ADGRL3: variants seen among roughly 807,000 people sequenced by gnomAD.
ADGRL3 encodes the protein adhesion G protein-coupled receptor L3, also known as calcium-independent alpha-latrotoxin receptor 3.
Under a neutral mutation model 153.5 loss-of-function variants are expected in ADGRL3, and 62 were observed. The ratio of observed to expected loss-of-function variants is 0.40; its 90% CI spans 0.33 to 0.50. ADGRL3 has a LOEUF of 0.50. ADGRL3 is among the 20% of genes least tolerant of loss of function. The pLI is 0.47. For missense variants in ADGRL3, 1,641 were observed against 1,859.4 expected (o/e 0.88, Z 2.16); for synonymous variants, 710 against 672.5 (o/e 1.06, Z -0.86).
intron 1 of ADGRL3, among the ~76,000 whole-genome samples, chr4:61,241,497 T>G (rs1477208125): frequency 6.6e-6 from 1 of 152,044 alleles, no homozygotes; most frequent in Non-Finnish European, 1.5e-5. Flanking sequence ...TTGGAAATAT[T>G]TTTAAAGATT....
intron 4 of ADGRL3, among the ~76,000 whole-genome samples, chr4:61,527,832 T>C (rs1350992131): frequency 6.6e-6 from 1 of 152,184 alleles, no homozygotes; most frequent in African/African-American, 2.4e-5. Context: ...GCTTTAAAAC[T>C]AAGCATAACT....
rs778455487 is a variant in ADGRL3 at position 61,733,234 on chromosome 4, C to T, written c.1079C>T (p.Pro360Leu). 3 of 1,613,552 alleles carry T rather than the reference C, an allele frequency of 1.9e-6. No homozygotes were observed. The highest frequency in any genetic ancestry group is 2.5e-6 in the Non-Finnish European group (3 of 1,179,790). Residue 360 changes from proline to leucine, a missense_variant, in exon 8 of 27, where the codon CCT becomes CTT. By Grantham distance (98) the Pro-to-Leu change is moderately conservative. Transcript: ENST00000683033. ...NGKIVISQLN[P>L]YTLRIEGTWD... is the part of the protein sequence containing the mutation. ...AAAATTGTCATTAGTCAATTGAACCCTTACACCCTACGGATCGAAGGAACA... is the reference window on the plus strand; with the variant it reads ...AAAATTGTCATTAGTCAATTGAACCTTTACACCCTACGGATCGAAGGAACA...
At chr4:61,353,249 G>T (rs1381642691) in intron 1 of ADGRL3, among the ~76,000 whole-genome samples, 1 of 151,720 alleles carries the variant, frequency 6.6e-6, no homozygotes, top group Admixed American at 6.6e-5. Context: ...ATGTATACTC[G>T]CATATATATG....
At chr4:61,493,342 T>C (rs2098277229) in intron 2 of ADGRL3, among the ~76,000 whole-genome samples, 1 of 152,168 alleles carries the variant, frequency 6.6e-6, no homozygotes. Flanking sequence ...CAAATCCCTA[T>C]GCCTAAATCA....
intron 9 of ADGRL3, among the ~76,000 whole-genome samples, chr4:61,850,861 C>T (rs913084168): frequency 5.3e-5 from 8 of 152,060 alleles, no homozygotes; most frequent in African/African-American, 1.9e-4. Context: ...GAAAAAATAA[C>T]TTTAAGTAGA....
intron 2 of ADGRL3, among the ~76,000 whole-genome samples, chr4:61,419,245 A>G (rs1481882756): frequency 6.6e-6 from 1 of 150,918 alleles, no homozygotes; most frequent in African/African-American, 2.5e-5. Context: ...TTCCTAAGGT[A>G]TATTTCTGAT....
chr4:61,222,099 A>G (rs766695183), intron 1 of ADGRL3, among the ~76,000 whole-genome samples: 2 of 151,968 alleles, frequency 1.3e-5, no homozygotes, highest in Non-Finnish European at 2.9e-5. Context: ...TCTACTTTTC[A>G]TTTAGATTAT....
At chr4:61,577,344 T>A (rs760179051) in intron 4 of ADGRL3, among the ~76,000 whole-genome samples, 2 of 152,038 alleles carry the variant, frequency 1.3e-5, no homozygotes, top group African/African-American at 2.4e-5. Flanking sequence ...ATTAAAATTT[T>A]GTATAGTTTT....
At chr4:62,047,950 C>T (rs544849487) in intron 25 of ADGRL3, among the ~76,000 whole-genome samples, 23 of 152,246 alleles carry the variant, frequency 1.5e-4, no homozygotes, top group African/African-American at 5.1e-4. Context: ...AGAGTTTCAA[C>T]AAAGATGAAC....
intron 8 of ADGRL3, among the ~76,000 whole-genome samples, chr4:61,767,554 G>A (rs1033027618): frequency 4.6e-5 from 7 of 152,156 alleles, no homozygotes; most frequent in African/African-American, 1.7e-4. Flanking sequence ...ATCGGGCAGT[G>A]TCAGTCTTCA....
intron 1 of ADGRL3, among the ~76,000 whole-genome samples, chr4:61,309,520 T>A (rs1374596951): frequency 6.6e-6 from 1 of 152,224 alleles, no homozygotes; most frequent in East Asian, 1.9e-4. Context: ...AAAATCTATT[T>A]CTTATGTATA....
intron 13 of ADGRL3, among the ~76,000 whole-genome samples, chr4:61,930,154 C>A (rs957359281): frequency 3.5e-5 from 5 of 143,372 alleles, no homozygotes; most frequent in African/African-American, 1.3e-4. Flanking sequence ...CCAGGCTGGG[C>A]GACAGAGCAA....
At chr4:61,744,395 C>T (rs981031876) in intron 8 of ADGRL3, among the ~76,000 whole-genome samples, 12 of 152,290 alleles carry the variant, frequency 7.9e-5, no homozygotes, top group East Asian at 5.8e-4. Flanking sequence ...GATCTGAGAA[C>T]GGGCAGACTG....
intron 6 of ADGRL3, among the ~76,000 whole-genome samples, chr4:61,682,387 G>C (rs1271757749): frequency 6.6e-6 from 1 of 151,498 alleles, no homozygotes; most frequent in East Asian, 1.9e-4. Context: ...CTCCTTCACA[G>C]AATCTTTTAT....
intron 6 of ADGRL3, among the ~76,000 whole-genome samples, chr4:61,717,655 T>C (rs75462053): frequency 0.027 from 4,167 of 152,272 alleles, 206 homozygotes; most frequent in African/African-American, 0.095. Flanking sequence ...ATTCTTCTTG[T>C]TTTAAAATTA....
chr4:61,896,071 T>C (rs1189209953), intron 11 of ADGRL3, among the ~76,000 whole-genome samples: 2 of 152,142 alleles, frequency 1.3e-5, no homozygotes, highest in East Asian at 3.8e-4. Flanking sequence ...ATAAAATTTC[T>C]CTGGTATTGT....
At chr4:62,015,506 G>A (rs917861696) in intron 21 of ADGRL3, among the ~76,000 whole-genome samples, 2 of 152,108 alleles carry the variant, frequency 1.3e-5, no homozygotes, top group Non-Finnish European at 2.9e-5. Flanking sequence ...TACATACCAA[G>A]ATATGACTCA....
intron 2 of ADGRL3, among the ~76,000 whole-genome samples, chr4:61,496,663 C>T (rs1055713977): frequency 2.2e-4 from 33 of 150,656 alleles, no homozygotes; most frequent in African/African-American, 7.8e-4. Flanking sequence ...AAGAAAAGGC[C>T]GGGCGTGGTG....
chr4:61,687,294 A>G (rs1356763338), intron 6 of ADGRL3, among the ~76,000 whole-genome samples: 2 of 151,988 alleles, frequency 1.3e-5, no homozygotes, highest in African/African-American at 2.4e-5. Context: ...GATTAAGTAT[A>G]TTGAGATGGG....
Sources: allele counts gnomAD v4.1 joint callset (sites outside exome capture counted in the v4.1 genomes callset), GRCh38; gene constraint gnomAD v4.1.1; transcripts MANE v1.5; gene names NCBI Gene and HGNC (gene_info 2026-07-23, HGNC 2026-07-21).